The following UGP2 variants were observed in gnomAD, a reference collection of about 807,000 sequenced individuals.
UGP2 encodes UTP--glucose-1-phosphate uridylyltransferase.
In UGP2, 40 loss-of-function variants were observed where a neutral mutation model predicts 49.0. That is an observed-to-expected ratio of 0.82 (90% confidence interval 0.63 to 1.06). The LOEUF (loss-of-function observed/expected upper bound fraction) is 1.06, where lower values mean the gene tolerates loss of function less well. UGP2 is among the 50% of genes least tolerant of loss of function. The pLI is 0.00. For synonymous variants in UGP2, 225 were observed against 213.0 expected (o/e 1.06, Z -0.49); for missense variants, 460 against 603.5 (o/e 0.76, Z 2.49).
intron 6 of UGP2, 48 bp downstream of exon 6, chr2:63,885,934 G>GT: frequency 1.3e-6 from 2 of 1,493,544 alleles, no homozygotes; most frequent in Non-Finnish European, 1.8e-6. Flanking sequence ...TTCACATTTC[G>GT]TAAGTTATGA....
chr2:63,856,178 A>G (rs962247428), intron 1 of UGP2, 128 bp from the exon 2 acceptor site: 2 of 1,179,404 alleles, frequency 1.7e-6, no homozygotes, highest in African/African-American at 3.1e-5. Flanking sequence ...AATTACTGCC[A>G]CAGGATAAAG....
chr2:63,852,122 C>T (rs1448162182), intron 1 of UGP2, among the ~76,000 whole-genome samples: 1 of 141,434 alleles, frequency 7.1e-6, no homozygotes, highest in Non-Finnish European at 1.5e-5. Flanking sequence ...GGCCTGGTGC[C>T]ATCTCTGAAA....
chr2:63,852,177 G>A (rs1024308244), intron 1 of UGP2, among the ~76,000 whole-genome samples: 1 of 152,206 alleles, frequency 6.6e-6, no homozygotes, highest in Admixed American at 6.5e-5. Flanking sequence ...TAGCATTGGA[G>A]TAGCAAGAAG....
At chr2:63,878,027 AAAG>A (rs1254880101) in intron 3 of UGP2, among the ~76,000 whole-genome samples, 143 of 127,260 alleles carry the variant, frequency 1.1e-3, no homozygotes, top group African/African-American at 1.6e-3. Context: ...AAAAAAAAAA[AAAG>A]AAGTCTGCAT....
intron 3 of UGP2, among the ~76,000 whole-genome samples, chr2:63,869,167 A>G (rs1670377673): frequency 6.6e-6 from 1 of 152,192 alleles, no homozygotes. Flanking sequence ...AAGTAGCGGT[A>G]AGTGAATGAA....
intron 1 of UGP2, among the ~76,000 whole-genome samples, chr2:63,845,080 G>A (rs2104237668): frequency 6.6e-6 from 1 of 152,326 alleles, no homozygotes; most frequent in Middle Eastern, 3.4e-3. Flanking sequence ...GAAGCCCACA[G>A]CTTAGCATTT....
intron 1 of UGP2, among the ~76,000 whole-genome samples, chr2:63,847,083 A>T (rs1671985088): frequency 6.6e-6 from 1 of 152,226 alleles, no homozygotes; most frequent in South Asian, 2.1e-4. Context: ...TTCTAATAAG[A>T]TGGATGATTT....
At chr2:63,890,012 G>A (rs1191223752) in intron 8 of UGP2, 69 bp from the exon 9 acceptor site, 27 of 1,228,958 alleles carry the variant, frequency 2.2e-5, no homozygotes, top group Middle Eastern at 4.0e-4. Context: ...AAACTTTCTT[G>A]TTAATATTTT....
chr2:63,873,515 G>T (rs577153650), intron 3 of UGP2, among the ~76,000 whole-genome samples: 2 of 152,208 alleles, frequency 1.3e-5, no homozygotes, highest in South Asian at 2.1e-4. Flanking sequence ...TCTGAAAGAG[G>T]CTCCATTTTT....
chr2:63,863,826 G>T (rs1446635534), intron 3 of UGP2, among the ~76,000 whole-genome samples: 3 of 152,130 alleles, frequency 2.0e-5, no homozygotes, highest in African/African-American at 7.2e-5. Flanking sequence ...TAGCTGAGAA[G>T]AAACTTGGAT....
At chr2:63,857,713 A>T in intron 2 of UGP2, 116 bp from the exon 3 acceptor site, 2 of 1,091,406 alleles carry the variant, frequency 1.8e-6, no homozygotes, top group Non-Finnish European at 2.7e-6. Flanking sequence ...TCCATGTCCT[A>T]ATGGTGTAAG....
chr2:63,882,417 G>A (rs763665253), intron 3 of UGP2, 49 bp from the exon 4 acceptor site: 5 of 1,398,102 alleles, frequency 3.6e-6, no homozygotes, highest in Admixed American at 2.3e-5. Flanking sequence ...ATGCTTTAAC[G>A]TCCCTTAAAG....
At chr2:63,883,860 G>A in intron 4 of UGP2, 100 bp from the exon 5 acceptor site, 7 of 1,437,556 alleles carry the variant, frequency 4.9e-6, no homozygotes, top group Non-Finnish European at 6.6e-6. Context: ...TACAGATGAT[G>A]TTTTAGATAT....
Position 63,887,410 on chromosome 2 carries a change from T to G in UGP2, c.1080T>G (p.Asp360Glu), listed in dbSNP as rs1431419581. Residue 360 changes from aspartate to glutamate, a missense_variant, in exon 8 of 10, where the codon GAT becomes GAG. Transcript: ENST00000337130. ...MEIIVNAKTL[D>E]GGLNVIQLET... ...CCCCTAATTTCTTACAGACTTTGGA[T>G]GGAGGCCTGAATGTCATTCAATTAG... The G allele has an allele frequency of 6.2e-7, 1 of 1,614,056 alleles. No homozygotes were observed. The highest frequency in any genetic ancestry group is 2.2e-5 in the East Asian group (1 of 44,872).
intron 1 of UGP2, among the ~76,000 whole-genome samples, chr2:63,843,705 A>G (rs558280607): frequency 3.0e-4 from 45 of 152,314 alleles, no homozygotes; most frequent in African/African-American, 8.4e-4. Flanking sequence ...TTTTTTTAAA[A>G]AAACTTTTTA....
chr2:63,882,162 A>G (rs530195719), intron 3 of UGP2, among the ~76,000 whole-genome samples: 3 of 152,346 alleles, frequency 2.0e-5, no homozygotes, highest in African/African-American at 7.2e-5. Context: ...GTGTTTGAAG[A>G]TACTCCAAGA....
intron 3 of UGP2, among the ~76,000 whole-genome samples, chr2:63,864,300 T>G (rs1183282615): frequency 1.3e-5 from 2 of 152,158 alleles, no homozygotes; most frequent in African/African-American, 2.4e-5. Flanking sequence ...ATGAACCAGG[T>G]GTAGATAGTC....
At chr2:63,859,846 G>A (rs974351855) in intron 3 of UGP2, among the ~76,000 whole-genome samples, 1 of 152,076 alleles carries the variant, frequency 6.6e-6, no homozygotes, top group Non-Finnish European at 1.5e-5. Context: ...GAAAATTTTG[G>A]AATGCAGAGG....
Position 63,887,387 on chromosome 2 carries a change from C to G in UGP2, c.1072-15C>G, listed in dbSNP as rs1443874298. 1 of 1,613,726 alleles carries G rather than the reference C, an allele frequency of 6.2e-7. No homozygotes were observed. Among genetic ancestry groups the G allele is most frequent in the Non-Finnish European group, 8.5e-7 (1 of 1,179,824 alleles). ...AAACCTCTGTTTTCTATTCCCCACC[C>G]CTAATTTCTTACAGACTTTGGATGG... is the stretch of plus-strand genomic sequence containing the variant. On this transcript the variant is annotated splice_polypyrimidine_tract_variant and intron_variant, in intron 7 of 9. Coordinates refer to ENST00000337130, the MANE Select transcript of UGP2 (RefSeq NM_006759.4).
Sources: allele counts gnomAD v4.1 joint callset (sites outside exome capture counted in the v4.1 genomes callset), GRCh38; gene constraint gnomAD v4.1.1; transcripts MANE v1.5; gene names NCBI Gene and HGNC (gene_info 2026-07-23, HGNC 2026-07-21).